NLRC3: variants seen among roughly 807,000 people sequenced by gnomAD.
NLRC3 encodes NLR family CARD domain containing 3.
Under a neutral mutation model 91.6 loss-of-function variants are expected in NLRC3, and 87 were observed. The observed-to-expected ratio is 0.95, with a 90% confidence interval of 0.80 to 1.14. The LOEUF (loss-of-function observed/expected upper bound fraction) is 1.14. Ranked by LOEUF, NLRC3 falls within the 50% of genes most tolerant of loss-of-function variation. The pLI, the probability that NLRC3 is intolerant of heterozygous loss-of-function variation, is 0.00. For synonymous variants in NLRC3, 694 were observed against 625.3 expected (o/e 1.11, Z -1.64); for missense variants, 1,577 against 1,418.6 (o/e 1.11, Z -1.79).
At chr16:3,555,956 AAAT>A in intron 8 of NLRC3, 1 of 147,752 alleles carries the variant, frequency 6.8e-6, no homozygotes, top group East Asian at 1.9e-4. Flanking sequence ...ATAAATAAAT[AAAT>A]AAATAAATAA....
chr16:3,576,996 C>T (rs897575946), intron 1 of NLRC3, among the ~76,000 whole-genome samples, 153 bp downstream of exon 1: 1 of 152,166 alleles, frequency 6.6e-6, no homozygotes, highest in African/African-American at 2.4e-5. Flanking sequence ...CAGCATGAGC[C>T]AGTCCTGCCC....
At chr16:3,570,756 A>T (rs930854516) in intron 1 of NLRC3, among the ~76,000 whole-genome samples, 11 of 152,288 alleles carry the variant, frequency 7.2e-5, no homozygotes, top group African/African-American at 2.4e-4. Context: ...GGAACATGGT[A>T]AGTGAGCAAG....
chr16:3,560,125 A>C (rs1009548403), intron 6 of NLRC3, among the ~76,000 whole-genome samples: 4 of 152,152 alleles, frequency 2.6e-5, no homozygotes, highest in Non-Finnish European at 5.9e-5. Context: ...ATGAGAATGA[A>C]GAATTACCCC....
At chr16:3,561,849 T>G in intron 5 of NLRC3, 61 bp from the exon 6 acceptor site, 4 of 1,196,700 alleles carry the variant, frequency 3.3e-6, no homozygotes, top group Non-Finnish European at 5.0e-6. Flanking sequence ...GTGGGGGCCC[T>G]GGCCCGGGGC....
intron 8 of NLRC3, among the ~76,000 whole-genome samples, chr16:3,554,589 G>A (rs2039198712): frequency 6.6e-6 from 1 of 152,190 alleles, no homozygotes; most frequent in Admixed American, 6.5e-5. Context: ...GTCATCAATT[G>A]CCCTCATTAC....
Position 3,565,724 on chromosome 16 carries a change from A to C in NLRC3, c.-86-344T>G, listed in dbSNP as rs148314901. On this transcript the variant is annotated intron_variant, in intron 2 of 19. Transcript: ENST00000359128. Reference sequence around the variant, plus strand: ...TGTCATTATCATTATACATTTGTCCAGACCCACAGAACGTACAACTCCAAG... The same window carrying C: ...TGTCATTATCATTATACATTTGTCCCGACCCACAGAACGTACAACTCCAAG... Among the ~76,000 whole-genome samples the C allele has an allele frequency of 5.0e-3, 757 of 152,216 alleles. 8 individuals carry two copies. Among genetic ancestry groups the C allele is most frequent in the African/African-American group, 0.017 (692 of 41,530 alleles).
Position 3,563,828 on chromosome 16 carries a change from A to G in NLRC3, c.1109T>C (p.Met370Thr), listed in dbSNP as rs551039871. 1.2e-6 allele frequency: 2 copies of G among 1,608,968 alleles called. No individual in the cohort carries two copies. Among genetic ancestry groups the G allele is most frequent in the African/African-American group, 2.7e-5 (2 of 74,984 alleles). ...CTCCTGCCCCTCCCCGCTGAGGGCC[A>G]TCCTAAAGTACCATGAGTAGAGCTC... Reference protein sequence around the residue: ...LCELYSWYFRMALSGEGQEKG... With the variant: ...LCELYSWYFRTALSGEGQEKG... The change falls in exon 5 of 20, where the codon ATG becomes ACG. Residue 370 changes from methionine (M) to threonine (T), a missense_variant. Physicochemically the swap from Met to Thr is moderately conservative, Grantham distance 81. Coordinates refer to ENST00000359128, the MANE Select transcript of NLRC3 (RefSeq NM_178844.4).
intron 19 of NLRC3, 39 bp from the exon 20 acceptor site, chr16:3,541,954 G>T: frequency 8.0e-7 from 1 of 1,256,470 alleles, no homozygotes; most frequent in Non-Finnish European, 1.2e-6. Flanking sequence ...AAAGCCTGCA[G>T]GTTCTCTTTA....
chr16:3,548,073 GT>G, intron 15 of NLRC3, 61 bp downstream of exon 15: 1 of 1,171,586 alleles, frequency 8.5e-7, no homozygotes. Context: ...TGGGTACCAG[GT>G]TTTCAGATTC....
intron 6 of NLRC3, among the ~76,000 whole-genome samples, chr16:3,559,512 A>G (rs1032272773): frequency 1.3e-5 from 2 of 152,196 alleles, no homozygotes; most frequent in African/African-American, 2.4e-5. Context: ...ATTTCTGAGC[A>G]CTACCTAGTC....
At chr16:3,556,590 T>A (rs1281032255) in intron 8 of NLRC3, among the ~76,000 whole-genome samples, 1 of 152,058 alleles carries the variant, frequency 6.6e-6, no homozygotes, top group Non-Finnish European at 1.5e-5. Flanking sequence ...CTGCAACCTC[T>A]GCTTCCCAGA....
At chr16:3,558,636 T>C (rs1289486440) in intron 6 of NLRC3, among the ~76,000 whole-genome samples, 1 of 152,010 alleles carries the variant, frequency 6.6e-6, no homozygotes, top group Non-Finnish European at 1.5e-5. Context: ...AGCATGGTTC[T>C]GGGAATATGG....
rs768325056 is a variant in NLRC3, at chr16:3,548,699, C to T, written c.2658G>A (p.Val886=). 8.8e-6 allele frequency: 14 copies of T among 1,599,130 alleles called. No individual in the cohort carries two copies. In the Admixed American group the frequency reaches 1.4e-4, roughly 16 times the overall value. ...GGGAGGTGAGGGTGCGGTTTTCTCT[C>T]ACTGCCACTGCGATGGCCCGGGCAC... The part of the protein sequence containing the change: ...DQGARAIAVA[V]RENRTLTSLH... The change falls in exon 14 of 20, where the codon GTG becomes GTA. Residue 886 remains valine (V), a synonymous_variant. Coordinates refer to ENST00000359128, the MANE Select transcript of NLRC3 (RefSeq NM_178844.4).
At position 3,564,051 on chromosome 16, in the gene NLRC3, C is replaced by A. The variant is rs898456779; in HGVS notation, c.886G>T (p.Val296Leu). The change falls in exon 5 of 20, where the codon GTG becomes TTG. Residue 296 changes from valine (V) to leucine (L), a missense_variant. Physicochemically the swap from Val to Leu is conservative, Grantham distance 32. Coordinates refer to ENST00000359128, the MANE Select transcript of NLRC3 (RefSeq NM_178844.4). This position sits in a 1 kb window ranked among gnomAD's most constrained non-coding sequence, Gnocchi z 5.9. ...IRGFNEEEIK[V>L]CLEQMFPEDQ... ...TCGGGGAACATCTGCTCCAAACACA[C>A]CTTGATCTCCTCCTCGTTAAAGCCC... 2 of 1,612,706 alleles carry A rather than the reference C, an allele frequency of 1.2e-6. No individual in the cohort carries two copies. Among genetic ancestry groups the A allele is most frequent in the Non-Finnish European group, 1.7e-6 (2 of 1,179,892 alleles).
intron 14 of NLRC3, 45 bp downstream of exon 14, chr16:3,548,625 C>T (rs533090718): frequency 7.2e-7 from 1 of 1,386,342 alleles, no homozygotes; most frequent in Admixed American, 2.0e-5. Context: ...AGCCCGGCAG[C>T]TCTGCAGAAG....
Position 3,561,686 on chromosome 16 carries a change from C to G in NLRC3, c.2015+16G>C. ...AAGACCATAGGCACCCTGGAGGTCCCCTGGGTCTGTGTTACCTGATCTTCT... is the reference window on the plus strand; with the variant it reads ...AAGACCATAGGCACCCTGGAGGTCCGCTGGGTCTGTGTTACCTGATCTTCT... On this transcript the variant is annotated intron_variant, in intron 6 of 19. Coordinates refer to ENST00000359128, the MANE Select transcript of NLRC3 (RefSeq NM_178844.4). 1 of 1,589,768 alleles carries G rather than the reference C, an allele frequency of 6.3e-7. No individual in the cohort carries two copies. Among genetic ancestry groups the G allele is most frequent in the Non-Finnish European group, 8.6e-7 (1 of 1,158,228 alleles).
chr16:3,563,096 C>T lies in NLRC3; in HGVS notation c.1841G>A (p.Cys614Tyr). ...CAGGGACAGGTTGGCCTCCTGGGCA[C>T]AGGCGTCGGACACCTGCAGGAGGTA... ...LAYLLQVSDA[C>Y]AQEANLSLSL... is the part of the protein sequence containing the mutation. Residue 614 changes from cysteine (C) to tyrosine (Y), a missense_variant, in exon 5 of 20, where the codon TGT (cysteine) becomes TAT (tyrosine). By Grantham distance (194) the Cys-to-Tyr change is radical (BLOSUM62 -2). Transcript: ENST00000359128. 6.3e-7 allele frequency: 1 copy of T among 1,575,050 alleles called. No individual in the cohort carries two copies. Among genetic ancestry groups the T allele is most frequent in the South Asian group, 1.2e-5 (1 of 86,008 alleles).
chr16:3,541,657 A>C lies in NLRC3; in HGVS notation c.*168T>G. ...TGGACCACTCCTGCAGCAGAAGAGG[A>C]GCTCACGACCTCCTCCGGCAGCACC... On this transcript the variant is annotated 3_prime_UTR_variant, in exon 20 of 20. Transcript: ENST00000359128. 1 of 605,474 alleles carries C rather than the reference A, an allele frequency of 1.7e-6. No homozygotes were observed. The highest frequency in any genetic ancestry group is 2.8e-5 in the Admixed American group (1 of 35,624). The allele number at this position is 605,474 out of a possible 1,614,324, so 37.5% of individuals were successfully genotyped here. A position where few individuals can be genotyped will look rare whatever the true frequency, so the allele number is the denominator to read the frequency against.
intron 10 of NLRC3, among the ~76,000 whole-genome samples, chr16:3,551,981 TCATCCATCCATC>T (rs56287077): frequency 2.0e-5 from 3 of 147,468 alleles, no homozygotes; most frequent in Admixed American, 1.3e-4. Flanking sequence ...ATCCCTTCAT[TCATCCATCCATC>T]CATCCATCCA....
Sources: gnomAD v4.1 joint callset for allele counts (sites outside exome capture counted in the v4.1 genomes callset) on GRCh38, gnomAD v4.1.1 for gene constraint, Gnocchi (gnomAD v3.1) non-coding constraint, MANE v1.5 for transcripts, NCBI Gene and HGNC (gene_info 2026-07-23, HGNC 2026-07-21) for gene names.